KCNJ6: variants seen among roughly 807,000 people sequenced by gnomAD.
KCNJ6 encodes G protein-activated inward rectifier potassium channel 2.
KCNJ6 carries 9 observed loss-of-function variants against 34.2 expected under a neutral mutation model. The ratio of observed to expected loss-of-function variants is 0.26; its 90% CI spans 0.16 to 0.46. The LOEUF is 0.46. KCNJ6 is among the 20% of genes least tolerant of loss of function. The pLI is 1.00. For synonymous variants in KCNJ6, 196 were observed against 207.1 expected (o/e 0.95, Z 0.46); for missense variants, 236 against 531.3 (o/e 0.44, Z 5.46).
chr21:37,911,579 C>G (rs1408267289), intron 1 of KCNJ6, among the ~76,000 whole-genome samples: 1 of 152,162 alleles, frequency 6.6e-6, no homozygotes, highest in Non-Finnish European at 1.5e-5. Context: ...ACCAACCTCA[C>G]TTTGAAAAGT....
chr21:37,704,909 A>C (rs995443592), intron 3 of KCNJ6, among the ~76,000 whole-genome samples: 30 of 151,838 alleles, frequency 2.0e-4, no homozygotes, highest in Admixed American at 2.0e-3. Flanking sequence ...TTTGGGTTAT[A>C]CTTGGCACGG....
rs534219989 is a variant in KCNJ6 at position 37,868,353 on chromosome 21, T to C, written c.-27-27644A>G. Among the ~76,000 whole-genome samples the C allele has an allele frequency of 1.4e-4, 22 of 152,316 alleles. No homozygotes were observed. In the South Asian group the frequency reaches 3.9e-3, roughly 27 times the overall value. On this transcript the variant is annotated intron_variant, in intron 1 of 3. Coordinates refer to ENST00000609713, the MANE Select transcript of KCNJ6 (RefSeq NM_002240.5). ...TTTTAAAAATTCTCCAGAAAGCCTTTTTAAGGAAAATATCACAGAATTAAA... is the reference window on the plus strand; with the variant it reads ...TTTTAAAAATTCTCCAGAAAGCCTTCTTAAGGAAAATATCACAGAATTAAA...
chr21:37,651,247 G>A (rs964932139), intron 3 of KCNJ6, among the ~76,000 whole-genome samples: 1 of 152,188 alleles, frequency 6.6e-6, no homozygotes, highest in Non-Finnish European at 1.5e-5. Context: ...GTGTTGTGGG[G>A]ACAGTCATAC....
chr21:37,789,290 T>C lies in KCNJ6; in HGVS notation c.25+51368A>G, dbSNP rs537501964. Among the ~76,000 whole-genome samples, 20 of 152,286 alleles carry C rather than the reference T, an allele frequency of 1.3e-4. No homozygotes were observed. The South Asian group carries it at 3.7e-3, about 28-fold the overall frequency. On this transcript the variant is annotated intron_variant, in intron 2 of 3. Coordinates refer to ENST00000609713, the MANE Select transcript of KCNJ6 (RefSeq NM_002240.5). ...CCCCCAGTGTGACTGTACTTGGACA[T>C]AGAGCTTTTAGGAGGTAACTAAGGT...
intron 3 of KCNJ6, among the ~76,000 whole-genome samples, chr21:37,685,814 T>C (rs1008127421): frequency 6.6e-6 from 1 of 151,534 alleles, no homozygotes; most frequent in African/African-American, 2.4e-5. Context: ...AATGATCGTA[T>C]GTCCATCAAA....
At chr21:37,889,762 A>G (rs990964) in intron 1 of KCNJ6, among the ~76,000 whole-genome samples, 25,327 of 152,106 alleles carry the variant, frequency 0.17, 2,720 homozygotes, top group East Asian at 0.55. Flanking sequence ...AATCTCTGCC[A>G]CCATCTTCAC....
chr21:37,777,912 C>T (rs1043529798), intron 2 of KCNJ6, among the ~76,000 whole-genome samples: 1 of 152,168 alleles, frequency 6.6e-6, no homozygotes, highest in African/African-American at 2.4e-5. Flanking sequence ...GACTGTGGTT[C>T]AGCACACCTG....
At chr21:37,838,301 A>G (rs2055462107) in intron 2 of KCNJ6, among the ~76,000 whole-genome samples, 1 of 152,254 alleles carries the variant, frequency 6.6e-6, no homozygotes, top group Admixed American at 6.5e-5. Flanking sequence ...AAACCAATAT[A>G]GATGGAAAAA....
rs1209596778 is a variant in KCNJ6 at position 37,619,564 on chromosome 21, C to T, written c.*5595G>A. 2 of 152,300 alleles carry T rather than the reference C, an allele frequency of 1.3e-5. No individual in the cohort carries two copies. Among genetic ancestry groups the T allele is most frequent in the African/African-American group, 4.8e-5 (2 of 41,558 alleles). 9.4% of individuals were successfully genotyped at this position (152,300 alleles called of 1,614,324 possible). On this transcript the variant is annotated 3_prime_UTR_variant, in exon 4 of 4. Transcript: ENST00000609713. ...AGCGCAATTAAACATGAGCTAGTTC[C>T]AGGTTCACGTTCATCACCTTGATCA...
At chr21:37,688,144 A>G (rs2054623768) in intron 3 of KCNJ6, among the ~76,000 whole-genome samples, 1 of 152,112 alleles carries the variant, frequency 6.6e-6, no homozygotes, top group African/African-American at 2.4e-5. Flanking sequence ...TTTTTCTCTT[A>G]TAAGGATAAT....
Position 37,624,194 on chromosome 21 carries a change from T to A in KCNJ6, c.*965A>T, listed in dbSNP as rs1282037741. On this transcript the variant is annotated 3_prime_UTR_variant, in exon 4 of 4. Coordinates refer to ENST00000609713, the MANE Select transcript of KCNJ6 (RefSeq NM_002240.5). ...AGTTAGTGAGGCCCTTGTTATCTTT[T>A]AAAAAAAGACATCTGTTTTGTAACA... 1 of 152,152 alleles carries A rather than the reference T, an allele frequency of 6.6e-6. No homozygotes were observed. Among genetic ancestry groups the A allele is most frequent in the Non-Finnish European group, 1.5e-5 (1 of 68,032 alleles). The allele number at this position is 152,152 out of a possible 1,614,324, so 9.4% of individuals were successfully genotyped here. A position where few individuals can be genotyped will look rare whatever the true frequency, so the allele number is the denominator to read the frequency against.
At chr21:37,782,496 C>T (rs570214900) in intron 2 of KCNJ6, among the ~76,000 whole-genome samples, 5 of 152,336 alleles carry the variant, frequency 3.3e-5, no homozygotes, top group African/African-American at 9.6e-5. Context: ...CGCTTGCTGA[C>T]TGCAACCTCT....
At position 37,840,720 on chromosome 21, in the gene KCNJ6, G is replaced by A; in HGVS notation, c.-27-11C>T. ...TTCTTTGTGCTTTTCCTGGAGGTGAGAAGAAAAGACAATTATCTGTAAAAC... is the reference window on the plus strand; with the variant it reads ...TTCTTTGTGCTTTTCCTGGAGGTGAAAAGAAAAGACAATTATCTGTAAAAC... On this transcript the variant is annotated splice_polypyrimidine_tract_variant and intron_variant, in intron 1 of 3. Transcript: ENST00000609713. 1.4e-5 allele frequency: 21 copies of A among 1,489,186 alleles called. No homozygotes were observed. Among genetic ancestry groups the A allele is most frequent in the Non-Finnish European group, 1.8e-5 (19 of 1,072,510 alleles). The allele number at this position is 1,489,186 out of a possible 1,614,324, so 92.2% of individuals were successfully genotyped here. A position where few individuals can be genotyped will look rare whatever the true frequency, so the allele number is the denominator to read the frequency against.
At chr21:37,654,678 C>G (rs1369555849) in intron 3 of KCNJ6, among the ~76,000 whole-genome samples, 1 of 152,178 alleles carries the variant, frequency 6.6e-6, no homozygotes, top group African/African-American at 2.4e-5. Context: ...GTGGTTCTTG[C>G]TACTTCCATT....
chr21:37,743,769 A>G (rs1000186734), intron 2 of KCNJ6, among the ~76,000 whole-genome samples: 4 of 150,662 alleles, frequency 2.7e-5, no homozygotes, highest in Non-Finnish European at 5.9e-5. Context: ...AGCTAAAAAA[A>G]CAAAGACTAT....
chr21:37,654,429 T>G (rs1432208637), intron 3 of KCNJ6, among the ~76,000 whole-genome samples: 3 of 138,458 alleles, frequency 2.2e-5, no homozygotes, highest in African/African-American at 5.6e-5. Flanking sequence ...AAAAAAAAAA[T>G]GTTTTGGCAT....
chr21:37,678,432 T>G (rs1271461299), intron 3 of KCNJ6, among the ~76,000 whole-genome samples: 1 of 152,188 alleles, frequency 6.6e-6, no homozygotes, highest in African/African-American at 2.4e-5. Flanking sequence ...GTGGGGATGC[T>G]CTCCTAAGTG....
chr21:37,869,666 C>T (rs2055640585), intron 1 of KCNJ6, among the ~76,000 whole-genome samples: 1 of 152,220 alleles, frequency 6.6e-6, no homozygotes, highest in South Asian at 2.1e-4. Flanking sequence ...TGAGTAGCCT[C>T]CCTCACCCTT....
chr21:37,741,598 C>T (rs2054941572), intron 2 of KCNJ6, among the ~76,000 whole-genome samples: 2 of 152,160 alleles, frequency 1.3e-5, no homozygotes, highest in South Asian at 4.1e-4. Flanking sequence ...ACTAGCCTTG[C>T]CCATGCCTCC....
Sources: allele counts gnomAD v4.1 joint callset (sites outside exome capture counted in the v4.1 genomes callset), GRCh38; gene constraint gnomAD v4.1.1; transcripts MANE v1.5; gene names NCBI Gene and HGNC (gene_info 2026-07-23, HGNC 2026-07-21).